Variants in CMAS observed in about 807,000 individuals in gnomAD.
The protein encoded by CMAS is N-acylneuraminate cytidylyltransferase.
Under a neutral mutation model 53.4 loss-of-function variants are expected in CMAS, and 21 were observed. The ratio of observed to expected loss-of-function variants is 0.39; its 90% CI spans 0.28 to 0.57. The LOEUF (loss-of-function observed/expected upper bound fraction) is 0.57, where lower values mean the gene tolerates loss of function less well. Ranked by LOEUF, CMAS falls within the 20% of genes least tolerant of loss-of-function variation. The pLI, the probability that CMAS is intolerant of heterozygous loss-of-function variation, is 0.56. For missense variants in CMAS, 384 were observed against 534.9 expected, an observed-to-expected ratio of 0.72 and a Z score of 2.78; for synonymous variants, 189 against 195.2, an observed-to-expected ratio of 0.97 and a Z score of 0.27.
Position 22,062,441 on chromosome 12 carries a change from A to G in CMAS, c.1114+7A>G, listed in dbSNP as rs759225492. 4 of 1,603,334 alleles carry G rather than the reference A, an allele frequency of 2.5e-6. No individual in the cohort carries two copies. Among genetic ancestry groups the G allele is most frequent in the South Asian group, 1.1e-5 (1 of 90,564 alleles). On this transcript the variant is annotated splice_region_variant and intron_variant, in intron 7 of 7. Transcript: ENST00000229329. ...AAAGAAGTGGCATATCTTGGTTGGT[A>G]TCTTTTTATTCACCCATAGTAAAAT...
rs1178899396 is a variant in CMAS, at chr12:22,055,651, GAATC to G, written c.559+45_559+48del. ...TCTTTATTTTAGCTGATTTTATTGA[GAATC>G]AATTTTTTTGTATATAAATATCCTT... On this transcript the variant is annotated intron_variant, in intron 3 of 7. Coordinates refer to ENST00000229329, the MANE Select transcript of CMAS (RefSeq NM_018686.6). 4 of 1,560,182 alleles carry G rather than the reference GAATC, an allele frequency of 2.6e-6. No individual in the cohort carries two copies. In the African/African-American group the frequency reaches 4.1e-5, roughly 16 times the overall value.
At position 22,046,289 on chromosome 12, in the gene CMAS, A is replaced by G; in HGVS notation, c.-15A>G. On this transcript the variant is annotated 5_prime_UTR_variant, in exon 1 of 8. Transcript: ENST00000229329. ...CCCGGATGTGGAGAAGCTGGGGAGA[A>G]GGCGTGGGAGGAAGATGGACTCGGT... 2 of 1,435,996 alleles carry G rather than the reference A, an allele frequency of 1.4e-6. No individual in the cohort carries two copies. The highest frequency in any genetic ancestry group is 1.5e-5 in the African/African-American group (1 of 67,028). 89.0% of individuals were successfully genotyped at this position (1,435,996 alleles called of 1,614,324 possible). A position where few individuals can be genotyped will look rare whatever the true frequency, so the allele number is the denominator to read the frequency against.
intron 1 of CMAS, among the ~76,000 whole-genome samples, chr12:22,053,363 A>G (rs542076766): frequency 7.0e-6 from 1 of 143,624 alleles, no homozygotes; most frequent in Non-Finnish European, 1.5e-5. Flanking sequence ...GGAAAAATAT[A>G]TATGTGTGTG....
chr12:22,058,845 T>C (rs1308536545), intron 4 of CMAS, 145 bp downstream of exon 4: 2 of 930,236 alleles, frequency 2.1e-6, no homozygotes, highest in Non-Finnish European at 3.1e-6. Flanking sequence ...ACATTTGCTA[T>C]CTGAGGCATT....
intron 1 of CMAS, among the ~76,000 whole-genome samples, chr12:22,052,645 T>A (rs574078010): frequency 1.3e-5 from 2 of 152,370 alleles, no homozygotes; most frequent in East Asian, 3.9e-4. Flanking sequence ...AAAAATGCAC[T>A]AGGTTTTCAT....
At chr12:22,047,474 CTT>C (rs1950214183) in intron 1 of CMAS, among the ~76,000 whole-genome samples, 1 of 152,024 alleles carries the variant, frequency 6.6e-6, no homozygotes. Context: ...GAAGTCATCT[CTT>C]TTTCTTTTTG....
In CMAS at chr12:22,065,341, T is replaced by C. The variant is rs750284542; in HGVS notation, c.*30T>C. 5.2e-6 allele frequency: 8 copies of C among 1,548,094 alleles called. No individual in the cohort carries two copies. Among genetic ancestry groups the C allele is most frequent in the South Asian group, 3.4e-5 (3 of 88,398 alleles). On this transcript the variant is annotated 3_prime_UTR_variant, in exon 8 of 8. Transcript: ENST00000229329. ...TAGCGTAATATTGAGAAAAAAATGA[T>C]ACAGCCTTCTTCAGCCAGTTTGCTT...
At chr12:22,061,474 C>T in intron 6 of CMAS, 22 bp downstream of exon 6, 1 of 1,451,826 alleles carries the variant, frequency 6.9e-7, no homozygotes, top group Admixed American at 2.3e-5. Context: ...CTGAATATAG[C>T]AGTATTTTAT....
At chr12:22,048,061 A>G (rs769273718) in intron 1 of CMAS, among the ~76,000 whole-genome samples, 6 of 152,204 alleles carry the variant, frequency 3.9e-5, no homozygotes, top group Non-Finnish European at 8.8e-5. Context: ...TTATTAAGGT[A>G]CAGTCAGATT....
At chr12:22,052,403 A>G (rs879556149) in intron 1 of CMAS, among the ~76,000 whole-genome samples, 2 of 152,052 alleles carry the variant, frequency 1.3e-5, no homozygotes, top group Non-Finnish European at 2.9e-5. Flanking sequence ...AGAAAAGCAA[A>G]CCTCCTCCAA....
At chr12:22,047,950 C>T (rs1305220383) in intron 1 of CMAS, among the ~76,000 whole-genome samples, 2 of 152,172 alleles carry the variant, frequency 1.3e-5, no homozygotes, top group Non-Finnish European at 2.9e-5. Context: ...AAATCATATT[C>T]ACAGTAAATG....
chr12:22,056,550 T>TACTGAC (rs1950269539), intron 3 of CMAS, among the ~76,000 whole-genome samples: 1 of 152,210 alleles, frequency 6.6e-6, no homozygotes, highest in African/African-American at 2.4e-5. Context: ...TTGTATGTGT[T>TACTGAC]ACTGACACTC....
At chr12:22,051,291 G>A (rs550188392) in intron 1 of CMAS, among the ~76,000 whole-genome samples, 36 of 152,336 alleles carry the variant, frequency 2.4e-4, no homozygotes, top group South Asian at 6.2e-4. Context: ...GTTCAGTGCT[G>A]TGTAAGTAAA....
intron 4 of CMAS, among the ~76,000 whole-genome samples, chr12:22,059,857 T>A (rs916079604): frequency 2.0e-5 from 3 of 151,606 alleles, no homozygotes; most frequent in African/African-American, 4.9e-5. Flanking sequence ...AAAAAAAAAA[T>A]GAAATTGAAA....
chr12:22,055,322 C>G, intron 2 of CMAS, 31 bp downstream of exon 2: 2 of 1,519,590 alleles, frequency 1.3e-6, no homozygotes, highest in Non-Finnish European at 1.8e-6. Context: ...TTATTCAAAC[C>G]TTTATGTACT....
intron 3 of CMAS, among the ~76,000 whole-genome samples, chr12:22,057,231 AC>A (rs1172355765): frequency 8.1e-6 from 1 of 123,364 alleles, no homozygotes; most frequent in African/African-American, 3.1e-5. Context: ...GCTATTACAC[AC>A]ACACACATAC....
chr12:22,056,331 A>G (rs1950268301), intron 3 of CMAS, among the ~76,000 whole-genome samples: 1 of 152,048 alleles, frequency 6.6e-6, no homozygotes, highest in South Asian at 2.1e-4. Flanking sequence ...TGAGTCACCT[A>G]TTTCTGCCTC....
At chr12:22,058,526 A>C in intron 3 of CMAS, 41 bp from the exon 4 acceptor site, 1 of 1,576,282 alleles carries the variant, frequency 6.3e-7, no homozygotes, top group Non-Finnish European at 8.6e-7. Flanking sequence ...CACTTTCTAT[A>C]TTCAGGGCAA....
chr12:22,053,743 T>G (rs1407109719), intron 1 of CMAS, among the ~76,000 whole-genome samples: 2 of 147,686 alleles, frequency 1.4e-5, no homozygotes, highest in East Asian at 2.1e-4. Flanking sequence ...GCCGGGCGTG[T>G]TGGCGGGCGC....
Sources: allele counts gnomAD v4.1 joint callset (sites outside exome capture counted in the v4.1 genomes callset), GRCh38; gene constraint gnomAD v4.1.1; transcripts MANE v1.5; gene names NCBI Gene and HGNC (gene_info 2026-07-23, HGNC 2026-07-21).